EPHA6: variants seen among roughly 807,000 people sequenced by gnomAD.
The protein encoded by EPHA6 is ephrin type-A receptor 6.
A neutral mutation model predicts 112.0 loss-of-function variants in EPHA6; 50 were observed. The ratio of observed to expected loss-of-function variants is 0.45; its 90% CI spans 0.36 to 0.56. The LOEUF is 0.56. Ranked by LOEUF, EPHA6 falls within the 20% of genes least tolerant of loss-of-function variation. The pLI is 0.00. For synonymous variants in EPHA6, 529 were observed against 490.7 expected (o/e 1.08, Z -1.03); for missense variants, 1,280 against 1,417.4 (o/e 0.90, Z 1.56).
chr3:97,615,361 G>C (rs564162313), intron 13 of EPHA6, among the ~76,000 whole-genome samples: 16 of 152,116 alleles, frequency 1.1e-4, no homozygotes, highest in Non-Finnish European at 2.1e-4. Flanking sequence ...CTTTATATAC[G>C]TGGGCTCTGG....
intron 1 of EPHA6, among the ~76,000 whole-genome samples, chr3:96,853,842 G>A (rs1190355701): frequency 2.0e-5 from 3 of 151,698 alleles, no homozygotes; most frequent in Non-Finnish European, 2.9e-5. Flanking sequence ...TGATACAAAC[G>A]CATGAAGTTG....
At chr3:97,021,403 C>G (rs1252759058) in intron 3 of EPHA6, among the ~76,000 whole-genome samples, 1 of 152,202 alleles carries the variant, frequency 6.6e-6, no homozygotes, top group Non-Finnish European at 1.5e-5. Context: ...TGTGACTACT[C>G]TGTTATTCCC....
chr3:97,057,066 A>G (rs1422251842), intron 3 of EPHA6, among the ~76,000 whole-genome samples: 1 of 152,198 alleles, frequency 6.6e-6, no homozygotes, highest in East Asian at 1.9e-4. Context: ...GAGTTACATA[A>G]TCCATTCTTG....
intron 6 of EPHA6, among the ~76,000 whole-genome samples, chr3:97,429,491 T>C (rs1219841624): frequency 6.6e-6 from 1 of 152,192 alleles, no homozygotes; most frequent in East Asian, 1.9e-4. Context: ...ACAGTAAATA[T>C]ATTTTGTTCT....
intron 7 of EPHA6, among the ~76,000 whole-genome samples, chr3:97,461,129 G>A (rs542391298): frequency 2.0e-5 from 3 of 152,240 alleles, no homozygotes; most frequent in Non-Finnish European, 2.9e-5. Flanking sequence ...ACTTCAGGGA[G>A]GATGGCCTGA....
At chr3:97,002,132 A>G (rs1358402275) in intron 3 of EPHA6, among the ~76,000 whole-genome samples, 4 of 151,848 alleles carry the variant, frequency 2.6e-5, no homozygotes, top group African/African-American at 9.7e-5. Context: ...AGGAGCCTAT[A>G]TTCTTTATGT....
At position 97,419,337 on chromosome 3, in the gene EPHA6, G is replaced by C. The variant is rs73133067; in HGVS notation, c.1731+14063G>C. ...AACAAACAAACAAACAAACAAAACAGAAGGGGTCAGGCACGGTGGCTTACG... is the reference window on the plus strand; with the variant it reads ...AACAAACAAACAAACAAACAAAACACAAGGGGTCAGGCACGGTGGCTTACG... On this transcript the variant is annotated intron_variant, in intron 6 of 17. Transcript: ENST00000389672. Among the ~76,000 whole-genome samples the C allele has an allele frequency of 2.9e-3, 436 of 150,982 alleles. 4 individuals are homozygous for C. Among genetic ancestry groups the C allele is most frequent in the Non-Finnish European group, 1.6e-3 (111 of 67,588 alleles).
intron 3 of EPHA6, among the ~76,000 whole-genome samples, chr3:97,173,209 TA>T (rs2076746456): frequency 6.6e-6 from 1 of 151,922 alleles, no homozygotes; most frequent in African/African-American, 2.4e-5. Context: ...TTTTGAAATG[TA>T]TTAAAGCTTA....
At chr3:97,520,498 G>A (rs1234650997) in intron 10 of EPHA6, among the ~76,000 whole-genome samples, 1 of 152,150 alleles carries the variant, frequency 6.6e-6, no homozygotes, top group Non-Finnish European at 1.5e-5. Context: ...ATCTTTGGCT[G>A]CTAGTTTTAT....
At chr3:97,645,215 C>T (rs1576186720) in intron 14 of EPHA6, among the ~76,000 whole-genome samples, 1 of 149,808 alleles carries the variant, frequency 6.7e-6, no homozygotes, top group Non-Finnish European at 1.5e-5. Flanking sequence ...CACATGCACA[C>T]GTATGTTTAT....
chr3:97,498,112 G>C (rs1346956615), intron 10 of EPHA6, among the ~76,000 whole-genome samples: 1 of 152,026 alleles, frequency 6.6e-6, no homozygotes, highest in African/African-American at 2.4e-5. Flanking sequence ...ATGAAAATCT[G>C]GTCTATGTTC....
chr3:96,865,168 G>C (rs909787506), intron 1 of EPHA6, among the ~76,000 whole-genome samples: 5 of 152,030 alleles, frequency 3.3e-5, no homozygotes, highest in Non-Finnish European at 7.4e-5. Context: ...TTTTACAAAT[G>C]TATGTTTAGT....
chr3:97,129,525 A>G (rs1053013376), intron 3 of EPHA6, among the ~76,000 whole-genome samples: 4 of 152,046 alleles, frequency 2.6e-5, no homozygotes, highest in African/African-American at 9.7e-5. Flanking sequence ...AAACAAAAAA[A>G]AAAACAACAA....
chr3:97,133,777 T>C (rs1324752699), intron 3 of EPHA6, among the ~76,000 whole-genome samples: 2 of 152,034 alleles, frequency 1.3e-5, no homozygotes, highest in Non-Finnish European at 2.9e-5. Flanking sequence ...GAGAATATCA[T>C]ATGAATCCCT....
chr3:97,215,506 G>C (rs563758444), intron 3 of EPHA6, among the ~76,000 whole-genome samples: 1 of 151,928 alleles, frequency 6.6e-6, no homozygotes, highest in Non-Finnish European at 1.5e-5. Context: ...AGCTACTCAG[G>C]AGGCTGAGGC....
intron 3 of EPHA6, among the ~76,000 whole-genome samples, chr3:97,035,693 A>G (rs903760869): frequency 1.3e-5 from 2 of 151,950 alleles, no homozygotes; most frequent in Middle Eastern, 3.4e-3. Context: ...TTCTTCATTT[A>G]TTGTCGGAGA....
At position 96,915,126 on chromosome 3, in the gene EPHA6, T is replaced by G. The variant is rs533272593; in HGVS notation, c.450+48237T>G. 4.0e-5 allele frequency among the ~76,000 whole-genome samples: 6 copies of G among 151,812 alleles called. No individual in the cohort carries two copies. In the South Asian group the frequency reaches 1.2e-3, roughly 31 times the overall value. Reference sequence around the variant, plus strand: ...TTTTAAAGCTAAAATGGTGATGAAATAAGGATATGTCATTTTAAAGGGAAA... The same window carrying G: ...TTTTAAAGCTAAAATGGTGATGAAAGAAGGATATGTCATTTTAAAGGGAAA... On this transcript the variant is annotated intron_variant, in intron 2 of 17. Transcript: ENST00000389672.
chr3:97,542,513 G>T (rs1380308371), intron 11 of EPHA6, among the ~76,000 whole-genome samples: 2 of 152,072 alleles, frequency 1.3e-5, no homozygotes, highest in Non-Finnish European at 2.9e-5. Flanking sequence ...ATTTAGGTTG[G>T]TTCCAAGTCT....
intron 9 of EPHA6, among the ~76,000 whole-genome samples, chr3:97,483,142 C>A (rs939280193): frequency 1.4e-4 from 21 of 152,182 alleles, no homozygotes; most frequent in African/African-American, 4.3e-4. Flanking sequence ...TATTCATGGG[C>A]AGAGGCAGTC....
Sources: gnomAD v4.1 joint callset for allele counts (sites outside exome capture counted in the v4.1 genomes callset) on GRCh38, gnomAD v4.1.1 for gene constraint, MANE v1.5 for transcripts, NCBI Gene and HGNC (gene_info 2026-07-23, HGNC 2026-07-21) for gene names.